The following PAN2 variants were observed in gnomAD, a reference collection of about 807,000 sequenced individuals.
The protein encoded by PAN2 is poly(A) specific ribonuclease subunit PAN2.
A neutral mutation model predicts 133.3 loss-of-function variants in PAN2; 68 were observed. The ratio of observed to expected loss-of-function variants is 0.51; its 90% CI spans 0.42 to 0.62. The LOEUF (loss-of-function observed/expected upper bound fraction) is 0.62. PAN2 is among the 20% of genes least tolerant of loss of function. The pLI is 0.00. For synonymous variants in PAN2, 462 were observed against 544.6 expected, an observed-to-expected ratio of 0.85 and a Z score of 2.11; for missense variants, 1,042 against 1,500.5, an observed-to-expected ratio of 0.69 and a Z score of 5.05.
rs766622495 is a variant in PAN2, at chr12:56,319,231, C to T, written c.3271-50G>A. On this transcript the variant is annotated intron_variant, in intron 23 of 25. Coordinates refer to ENST00000440411, the MANE Select transcript of PAN2 (RefSeq NM_014871.6). The surrounding 1 kb of genome is among the most constrained non-coding windows in gnomAD (Gnocchi z 5.4). Reference sequence around the variant, plus strand: ...ACTTAAGGTAGGGGACCTATAATTCCCCATTCTCTAAAGGCACAATGTATA... The same window carrying T: ...ACTTAAGGTAGGGGACCTATAATTCTCCATTCTCTAAAGGCACAATGTATA... 1 of 1,613,828 alleles carries T rather than the reference C, an allele frequency of 6.2e-7. No individual in the cohort carries two copies. Among genetic ancestry groups the T allele is most frequent in the South Asian group, 1.1e-5 (1 of 91,056 alleles).
chr12:56,330,649 G>A (rs1329616335), intron 2 of PAN2, among the ~76,000 whole-genome samples: 2 of 151,134 alleles, frequency 1.3e-5, no homozygotes, highest in Non-Finnish European at 3.0e-5. Context: ...GTGAGCCACC[G>A]CGCCCGGCCT....
At chr12:56,321,364 G>A (rs1874510460) in intron 20 of PAN2, among the ~76,000 whole-genome samples, 1 of 150,692 alleles carries the variant, frequency 6.6e-6, no homozygotes, top group Non-Finnish European at 1.5e-5. Context: ...AAGTAGCTGG[G>A]ACAACAGGAG....
rs752259143 is a variant in PAN2 at position 56,319,975 on chromosome 12, C to G, written c.2835G>C (p.Leu945=). Residue 945 remains leucine, a synonymous_variant, in exon 21 of 26, where the codon CTG becomes CTC. Transcript: ENST00000440411. The surrounding 1 kb of genome is among the most constrained non-coding windows in gnomAD (Gnocchi z 5.4). ...EASVLLAEAS[L]ARKQRKTHTT... is the part of the protein sequence containing the mutation. ...TATGTGTTTTCCGCTGCTTCCGTGC[C>G]AGCGAGGCTTCAGCCAGCAAGACAC... 3.7e-6 allele frequency: 6 copies of G among 1,614,066 alleles called. No individual in the cohort carries two copies. Among genetic ancestry groups the G allele is most frequent in the Non-Finnish European group, 5.1e-6 (6 of 1,180,046 alleles).
chr12:56,318,423 G>A lies in PAN2; in HGVS notation c.3376C>T (p.Gln1126Ter), dbSNP rs1874140200. The change falls in exon 25 of 26, where the codon CAA becomes TAA. Residue 1126 changes from glutamine (Q) to a stop codon, truncating the protein, a stop_gained. Coordinates refer to ENST00000440411, the MANE Select transcript of PAN2 (RefSeq NM_014871.6). LOFTEE classifies it high-confidence loss of function. ...TCAATACTGTCATGGGTTTCCCCTT[G>A]AATCTTCAGGTCTGGGGTAAGTAAA... ...LAWYFLDLKI[Q>*]GETHDSIEDA... is the part of the protein sequence containing the mutation. 1 of 1,613,506 alleles carries A rather than the reference G, an allele frequency of 6.2e-7. No homozygotes were observed. The highest frequency in any genetic ancestry group is 8.5e-7 in the Non-Finnish European group (1 of 1,179,564).
rs757018308 is a variant in PAN2 at position 56,319,482 on chromosome 12, C to T, written c.3096G>A (p.Val1032=). ...DDYISTQEQV[V]DYLTQYSGIK... is the part of the protein sequence containing the mutation. Reference sequence around the variant, plus strand: ...TACCCGAGTATTGAGTCAAGTAATCCACCACCTAGGAATAGAGAAAAGGAC... The same window carrying T: ...TACCCGAGTATTGAGTCAAGTAATCTACCACCTAGGAATAGAGAAAAGGAC... Residue 1032 remains valine (V), a synonymous_variant, in exon 23 of 26, where the codon GTG becomes GTA. Transcript: ENST00000440411. The surrounding 1 kb of genome is among the most constrained non-coding windows in gnomAD (Gnocchi z 5.4). 5.3e-5 allele frequency: 85 copies of T among 1,612,694 alleles called. No individual in the cohort carries two copies. In the Middle Eastern group the frequency reaches 1.5e-3, roughly 28 times the overall value.
At position 56,326,346 on chromosome 12, in the gene PAN2, A is replaced by G. The variant is rs370123255; in HGVS notation, c.1326T>C (p.Tyr442=). ...GCAGCCTGGTGCGGGGATTGGGCGC[A>G]TAGCCAATGAAGCCCACCTTCTTCA... is the stretch of plus-strand genomic sequence containing the variant. ...RTMKKVGFIG[Y]APNPRTRLRN... is the part of the protein sequence containing the mutation. Residue 442 remains tyrosine, a synonymous_variant, in exon 8 of 26, where the codon TAT becomes TAC. Transcript: ENST00000440411. The G allele has an allele frequency of 2.5e-5, 40 of 1,605,194 alleles. No homozygotes were observed. The highest frequency in any genetic ancestry group is 3.4e-5 in the Non-Finnish European group (40 of 1,174,002).
chr12:56,321,725 T>C (rs993721114), intron 20 of PAN2, among the ~76,000 whole-genome samples: 11 of 150,364 alleles, frequency 7.3e-5, no homozygotes, highest in Non-Finnish European at 1.5e-4. Context: ...GTGGTGGGCG[T>C]CTGTAATCCC....
At chr12:56,324,973 A>G in intron 10 of PAN2, 36 bp downstream of exon 10, 1 of 1,609,368 alleles carries the variant, frequency 6.2e-7, no homozygotes, top group East Asian at 2.2e-5. Flanking sequence ...GAAAAGCAGC[A>G]GGCACGTTCA....
Position 56,326,779 on chromosome 12 carries a change from G to A in PAN2, c.1100C>T (p.Pro367Leu). Residue 367 changes from proline to leucine, a missense_variant, in exon 7 of 26, where the codon CCC (proline) becomes CTC (leucine). Transcript: ENST00000440411. ...WTDSPEPSFN[P>L]YSRETEFALP... ...AGCAAACTCAGTCTCACGGGAGTAGGGGTTGAAGGAAGGCTCCGGGGAATC... is the reference window on the plus strand; with the variant it reads ...AGCAAACTCAGTCTCACGGGAGTAGAGGTTGAAGGAAGGCTCCGGGGAATC... The A allele has an allele frequency of 2.5e-6, 4 of 1,614,204 alleles. No homozygotes were observed. Among genetic ancestry groups the A allele is most frequent in the Non-Finnish European group, 3.4e-6 (4 of 1,180,030 alleles).
rs116071917 is a variant in PAN2, at chr12:56,328,722, G to A, written c.283-81C>T. On this transcript the variant is annotated intron_variant, in intron 2 of 25. Coordinates refer to ENST00000440411, the MANE Select transcript of PAN2 (RefSeq NM_014871.6). ...ACGGCCAGGTCAGGGACTGAACATG[G>A]CTCAGCTTGGATCCTTTCTTGCTTG... 4.1e-4 allele frequency: 470 copies of A among 1,152,610 alleles called. No individual in the cohort carries two copies. The African/African-American group carries it at 5.2e-3, about 13-fold the overall frequency. 71.4% of individuals were successfully genotyped at this position (1,152,610 alleles called of 1,614,324 possible). A position where few individuals can be genotyped will look rare whatever the true frequency, so the allele number is the denominator to read the frequency against.
intron 2 of PAN2, among the ~76,000 whole-genome samples, chr12:56,331,722 G>GTT (rs1555167418): frequency 4.5e-5 from 6 of 132,052 alleles, no homozygotes; most frequent in Middle Eastern, 3.6e-3. Flanking sequence ...TTTGTTTTTT[G>GTT]TTTTTTTTTG....
rs3215077 is a variant in PAN2, at chr12:56,327,635, G to GA, written c.652-5dup. 5,433 of 1,531,828 alleles carry GA rather than the reference G, an allele frequency of 3.5e-3. 88 individuals carry two copies. The African/African-American group carries it at 0.054, about 15-fold the overall frequency. The allele number at this position is 1,531,828 out of a possible 1,614,324, so 94.9% of individuals were successfully genotyped here. On this transcript the variant is annotated splice_region_variant and splice_polypyrimidine_tract_variant and intron_variant, in intron 5 of 25. Coordinates refer to ENST00000440411, the MANE Select transcript of PAN2 (RefSeq NM_014871.6). ...TACGGAGGTCTCTCAGGGAAACCTAGAAAAAAAAAATTCAGTTATCTGCAA... is the reference window on the plus strand; with the variant it reads ...TACGGAGGTCTCTCAGGGAAACCTAGAAAAAAAAAAATTCAGTTATCTGCAA...
In PAN2 at chr12:56,323,175, A is replaced by G. The variant is rs1452448658; in HGVS notation, c.2380T>C (p.Cys794Arg). The change falls in exon 17 of 26, where the codon TGT becomes CGT. Residue 794 changes from cysteine to arginine, a missense_variant. This residue lies in a region of PAN2 where 908 missense variants were observed against 1,223.5 expected (regional missense o/e 0.74). Transcript: ENST00000440411. ...TTCTTCAACTCCTCAATGGAGGGACACACCAGCACACCCTCTGGACTCCCT... is the reference window on the plus strand; with the variant it reads ...TTCTTCAACTCCTCAATGGAGGGACGCACCAGCACACCCTCTGGACTCCCT... ...ELGSPEGVLVCPSIEELKNVW... is the reference protein window; with the variant it reads ...ELGSPEGVLVRPSIEELKNVW... 3.7e-6 allele frequency: 6 copies of G among 1,614,206 alleles called. No homozygotes were observed. In the South Asian group the frequency reaches 6.6e-5, roughly 18 times the overall value.
In PAN2 at chr12:56,317,586, C is replaced by T. The variant is rs367712502; in HGVS notation, c.*23G>A. ...GCTATAGAACAGTAAAGGGAGAGGG[C>T]CGTGGTTCTTTGGGAAGGGTAGTCA... On this transcript the variant is annotated 3_prime_UTR_variant, in exon 26 of 26. Coordinates refer to ENST00000440411, the MANE Select transcript of PAN2 (RefSeq NM_014871.6). The T allele has an allele frequency of 6.2e-7, 1 of 1,609,760 alleles. No individual in the cohort carries two copies. Among genetic ancestry groups the T allele is most frequent in the Non-Finnish European group, 8.5e-7 (1 of 1,176,342 alleles).
chr12:56,322,301 T>G (rs113316681), intron 19 of PAN2, 122 bp downstream of exon 19: 1 of 1,077,662 alleles, frequency 9.3e-7, no homozygotes. Flanking sequence ...CTAATGGTTT[T>G]TATTCCTGAG....
chr12:56,321,046 A>G (rs1874453873), intron 20 of PAN2, among the ~76,000 whole-genome samples: 1 of 149,986 alleles, frequency 6.7e-6, no homozygotes, highest in Non-Finnish European at 1.5e-5. Flanking sequence ...CCTGGGTGAC[A>G]AGAGTGAAAC....
intron 17 of PAN2, 51 bp from the exon 18 acceptor site, chr12:56,322,809 G>T: frequency 1.3e-6 from 2 of 1,563,042 alleles, no homozygotes; most frequent in Non-Finnish European, 1.7e-6. Flanking sequence ...ATGGGGAAGG[G>T]AGGGGAATGG....
chr12:56,325,835 T>A (rs1236501342), intron 8 of PAN2, among the ~76,000 whole-genome samples: 1 of 152,266 alleles, frequency 6.6e-6, no homozygotes, highest in East Asian at 1.9e-4. Context: ...CAGACTGGTA[T>A]ACTCATGTAG....
intron 1 of PAN2, chr12:56,333,618 A>C (rs1319447688): frequency 6.4e-6 from 1 of 155,838 alleles, no homozygotes; most frequent in African/African-American, 2.4e-5. Context: ...GGAGAACGAG[A>C]AGTCAGTTTC....
Sources: allele counts gnomAD v4.1 joint callset (sites outside exome capture counted in the v4.1 genomes callset), GRCh38; gene constraint gnomAD v4.1.1; regional missense constraint gnomAD v4.1.1; non-coding constraint Gnocchi (gnomAD v3.1); transcripts MANE v1.5; gene names NCBI Gene and HGNC (gene_info 2026-07-23, HGNC 2026-07-21).